The following EYS variants were observed in gnomAD, a reference collection of about 807,000 sequenced individuals.
EYS encodes the protein EGF-like photoreceptor maintenance factor.
In EYS, 250 loss-of-function variants were observed where a neutral mutation model predicts 282.1. That is an observed-to-expected ratio of 0.89 (90% CI 0.80 to 0.98). The LOEUF (loss-of-function observed/expected upper bound fraction) is 0.98, where lower values mean the gene tolerates loss of function less well. Ranked by LOEUF, EYS falls within the 50% of genes least tolerant of loss-of-function variation. The probability of loss-of-function intolerance (pLI) is 0.00; values close to 1 mark genes in which losing one functional copy is unlikely to be tolerated. For synonymous variants in EYS, 1,355 were observed against 1,282.9 expected (o/e 1.06, Z -1.20); for missense variants, 4,016 against 3,709.0 (o/e 1.08, Z -2.15).
chr6:64,749,814 T>C (rs1202949077), intron 22 of EYS, among the ~76,000 whole-genome samples: 1 of 152,146 alleles, frequency 6.6e-6, no homozygotes, highest in Non-Finnish European at 1.5e-5. Flanking sequence ...TGTCTTTTTT[T>C]CATACATATT....
chr6:65,516,404 A>C (rs541684834), intron 2 of EYS, among the ~76,000 whole-genome samples: 1 of 152,214 alleles, frequency 6.6e-6, no homozygotes, highest in East Asian at 1.9e-4. Flanking sequence ...AAGTCCCTAC[A>C]AATGTGAGTT....
chr6:64,452,867 A>G lies in EYS; in HGVS notation c.5645-13515T>C, dbSNP rs568731024. Among the ~76,000 whole-genome samples the G allele has an allele frequency of 2.0e-5, 3 of 152,358 alleles. No individual in the cohort carries two copies. The South Asian group carries it at 6.2e-4, about 32-fold the overall frequency. On this transcript the variant is annotated intron_variant, in intron 26 of 42. Coordinates refer to ENST00000503581, the MANE Select transcript of EYS (RefSeq NM_001142800.2). ...TTATACAAAAATTAATTCAAGATGG[A>G]TTAAAGACTTAAATGTTAGACCTGA...
chr6:65,448,788 A>T (rs1764291521), intron 5 of EYS, among the ~76,000 whole-genome samples: 2 of 152,108 alleles, frequency 1.3e-5, no homozygotes, highest in South Asian at 4.1e-4. Flanking sequence ...TAATTTTATT[A>T]TGAAAACAAA....
chr6:65,320,125 G>A (rs543726858), intron 11 of EYS, among the ~76,000 whole-genome samples: 1 of 151,834 alleles, frequency 6.6e-6, no homozygotes, highest in Non-Finnish European at 1.5e-5. Flanking sequence ...AGTTTAAGTG[G>A]AGCTGCCTAA....
At chr6:64,600,893 TC>T (rs1197600212) in intron 24 of EYS, among the ~76,000 whole-genome samples, 18 of 152,142 alleles carry the variant, frequency 1.2e-4, no homozygotes, top group African/African-American at 4.3e-4. Context: ...AACTTTTCAT[TC>T]TTTCCTCAAG....
chr6:64,352,149 A>C (rs1771664712), intron 29 of EYS, among the ~76,000 whole-genome samples: 1 of 151,560 alleles, frequency 6.6e-6, no homozygotes, highest in Admixed American at 6.6e-5. Context: ...CTTATGAAAT[A>C]ATGAGTTAAT....
intron 28 of EYS, among the ~76,000 whole-genome samples, chr6:64,392,272 A>G (rs201157124): frequency 0.26 from 35,068 of 135,184 alleles, 4,817 homozygotes; most frequent in East Asian, 0.42. Context: ...TGCACCAAGC[A>G]GACCTAATAG....
chr6:64,350,637 A>T (rs573515108), intron 29 of EYS, among the ~76,000 whole-genome samples: 1 of 151,742 alleles, frequency 6.6e-6, no homozygotes, highest in South Asian at 2.1e-4. Context: ...TGAAAGGAGA[A>T]ATAAGTCTCT....
At chr6:63,934,521 T>G (rs1764994124) in intron 35 of EYS, among the ~76,000 whole-genome samples, 1 of 152,036 alleles carries the variant, frequency 6.6e-6, no homozygotes, top group Non-Finnish European at 1.5e-5. Context: ...AATGATAGTC[T>G]GGATTAAGAA....
Position 65,651,847 on chromosome 6 carries a change from G to T in EYS, c.-447-11955C>A, listed in dbSNP as rs374912262. 3.9e-5 allele frequency among the ~76,000 whole-genome samples: 6 copies of T among 152,052 alleles called. No homozygotes were observed. In the South Asian group the frequency reaches 6.2e-4, roughly 16 times the overall value. ...GTATATTTTCAGTGCTATATTAGCA[G>T]TCATACTGAAAAAATAAACTAACCA... is the stretch of plus-strand genomic sequence containing the variant. On this transcript the variant is annotated intron_variant, in intron 1 of 42. Transcript: ENST00000503581.
intron 31 of EYS, among the ~76,000 whole-genome samples, chr6:64,096,580 A>G (rs112159682): frequency 0.042 from 6,385 of 152,210 alleles, 395 homozygotes; most frequent in African/African-American, 0.14. Context: ...CGTAGTTCTC[A>G]TGCTGTGGTT....
At chr6:64,347,758 GTTTA>G (rs1359037116) in intron 29 of EYS, among the ~76,000 whole-genome samples, 1 of 151,154 alleles carries the variant, frequency 6.6e-6, no homozygotes, top group Non-Finnish European at 1.5e-5. Context: ...TTTTAAATGT[GTTTA>G]TTTGTCTTTT....
At position 65,692,392 on chromosome 6, in the gene EYS, C is replaced by G. The variant is rs767124159; in HGVS notation, c.-448+14743G>C. 6.7e-5 allele frequency among the ~76,000 whole-genome samples: 10 copies of G among 149,624 alleles called. 1 individual carries two copies. The highest frequency in any genetic ancestry group is 2.1e-4 in the South Asian group (1 of 4,660). On this transcript the variant is annotated intron_variant, in intron 1 of 42. Transcript: ENST00000503581. ...ATATAATAATACCACACTTGTGCTC[C>G]CTAAAACTATAAAAATAAAATTAAA...
intron 31 of EYS, among the ~76,000 whole-genome samples, chr6:64,197,251 C>G (rs1435577389): frequency 1.3e-5 from 2 of 151,968 alleles, no homozygotes; most frequent in African/African-American, 4.8e-5. Context: ...TTGAGAGAGG[C>G]GATTTTCTTA....
At chr6:64,948,612 AAAT>A (rs1486961198) in intron 14 of EYS, among the ~76,000 whole-genome samples, 5 of 147,222 alleles carry the variant, frequency 3.4e-5, no homozygotes, top group South Asian at 2.1e-4. Flanking sequence ...AAATAATATT[AAAT>A]AATAGTAAAT....
chr6:64,027,474 A>G (rs1013211337), intron 33 of EYS, among the ~76,000 whole-genome samples: 1 of 152,206 alleles, frequency 6.6e-6, no homozygotes, highest in Admixed American at 6.5e-5. Flanking sequence ...TAGAGGCATT[A>G]CTAAACCTGG....
At chr6:65,621,086 G>T (rs886478252) in intron 2 of EYS, among the ~76,000 whole-genome samples, 2 of 152,282 alleles carry the variant, frequency 1.3e-5, no homozygotes, top group Middle Eastern at 3.4e-3. Flanking sequence ...GTGCAGAGCT[G>T]AGTTCAATTC....
At chr6:64,711,678 A>T (rs1484531223) in intron 22 of EYS, among the ~76,000 whole-genome samples, 1 of 152,228 alleles carries the variant, frequency 6.6e-6, no homozygotes. Flanking sequence ...TTAATGAGAA[A>T]GATTTTCAGA....
At chr6:65,605,781 A>G (rs974017243) in intron 2 of EYS, among the ~76,000 whole-genome samples, 3 of 151,802 alleles carry the variant, frequency 2.0e-5, no homozygotes, top group Non-Finnish European at 4.4e-5. Flanking sequence ...AAGGCAAGCT[A>G]TGAAAAATTA....
Sources: gnomAD v4.1 joint callset for allele counts (sites outside exome capture counted in the v4.1 genomes callset) on GRCh38, gnomAD v4.1.1 for gene constraint, MANE v1.5 for transcripts, NCBI Gene and HGNC (gene_info 2026-07-23, HGNC 2026-07-21) for gene names.